Variants in DCC observed in about 807,000 individuals in gnomAD.
DCC encodes the protein DCC netrin 1 receptor, also known as netrin receptor DCC.
In DCC, 58 loss-of-function variants were observed where a neutral mutation model predicts 172.5. The ratio of observed to expected loss-of-function variants is 0.34; its 90% CI spans 0.27 to 0.42. The LOEUF is 0.42. DCC is among the 10% of genes least tolerant of loss of function. The pLI is 1.00. For missense variants in DCC, 1,740 were observed against 1,791.0 expected, an observed-to-expected ratio of 0.97 and a Z score of 0.51; for synonymous variants, 709 against 644.5, an observed-to-expected ratio of 1.10 and a Z score of -1.52.
chr18:53,355,205 G>C (rs2057864024), intron 15 of DCC, among the ~76,000 whole-genome samples: 1 of 152,130 alleles, frequency 6.6e-6, no homozygotes, highest in African/African-American at 2.4e-5. Context: ...AAGTCAGGTA[G>C]CATGATGCTT....
At chr18:53,137,814 A>G (rs1387130220) in intron 7 of DCC, among the ~76,000 whole-genome samples, 1 of 152,076 alleles carries the variant, frequency 6.6e-6, no homozygotes. Context: ...AAGCAAGAAT[A>G]ATATTACTAT....
chr18:53,189,156 T>C (rs944425750), intron 9 of DCC, among the ~76,000 whole-genome samples: 6 of 152,154 alleles, frequency 3.9e-5, no homozygotes, highest in Non-Finnish European at 5.9e-5. Context: ...TATGTTTGTA[T>C]GTATTTATGT....
At chr18:53,490,996 T>C (rs887891160) in intron 26 of DCC, among the ~76,000 whole-genome samples, 1 of 152,218 alleles carries the variant, frequency 6.6e-6, no homozygotes, top group Non-Finnish European at 1.5e-5. Flanking sequence ...TCCTGTCTAG[T>C]ACATTAGGCA....
intron 1 of DCC, among the ~76,000 whole-genome samples, chr18:52,454,420 T>C (rs1988397273): frequency 6.6e-6 from 1 of 152,104 alleles, no homozygotes; most frequent in Non-Finnish European, 1.5e-5. Context: ...GCATCTAAAA[T>C]TAATTTTATA....
intron 28 of DCC, among the ~76,000 whole-genome samples, chr18:53,529,728 G>C (rs1443392792): frequency 6.6e-6 from 1 of 152,096 alleles, no homozygotes; most frequent in Admixed American, 6.6e-5. Flanking sequence ...TTTTAATTAG[G>C]ATGTCTAGGT....
chr18:53,298,429 G>A (rs970153643), intron 12 of DCC, among the ~76,000 whole-genome samples: 1 of 150,092 alleles, frequency 6.7e-6, no homozygotes, highest in African/African-American at 2.5e-5. Flanking sequence ...AGTCCCACAG[G>A]AGGTGGAAGG....
At chr18:52,858,203 G>T (rs964930674) in intron 2 of DCC, among the ~76,000 whole-genome samples, 1 of 152,180 alleles carries the variant, frequency 6.6e-6, no homozygotes, top group African/African-American at 2.4e-5. Flanking sequence ...AGGCTAGCAC[G>T]CCCATTTTAC....
chr18:53,127,591 G>A (rs1051502245), intron 7 of DCC, among the ~76,000 whole-genome samples: 1 of 152,092 alleles, frequency 6.6e-6, no homozygotes, highest in Non-Finnish European at 1.5e-5. Context: ...GCATCATTTG[G>A]ATCTGTTTAT....
At chr18:53,296,058 T>G (rs1199526081) in intron 12 of DCC, among the ~76,000 whole-genome samples, 1 of 152,146 alleles carries the variant, frequency 6.6e-6, no homozygotes, top group South Asian at 2.1e-4. Flanking sequence ...GTTACAAAAG[T>G]GTTGCTAGAC....
chr18:52,577,808 T>C (rs771772357), intron 1 of DCC, among the ~76,000 whole-genome samples: 4 of 152,200 alleles, frequency 2.6e-5, no homozygotes, highest in African/African-American at 2.4e-5. Flanking sequence ...AAACCTCTTC[T>C]GATGCCACCT....
chr18:53,281,495 T>C (rs1220767528), intron 12 of DCC, among the ~76,000 whole-genome samples: 1 of 152,190 alleles, frequency 6.6e-6, no homozygotes, highest in Non-Finnish European at 1.5e-5. Flanking sequence ...ACGTAGGCCT[T>C]GTCCCCAAGG....
At chr18:52,929,194 G>A (rs986326834) in intron 5 of DCC, among the ~76,000 whole-genome samples, 6 of 152,164 alleles carry the variant, frequency 3.9e-5, no homozygotes, top group South Asian at 2.1e-4. Context: ...TTTTAATCCC[G>A]TTTTACAAAC....
At chr18:52,970,351 A>T (rs1254732447) in intron 5 of DCC, among the ~76,000 whole-genome samples, 1 of 152,108 alleles carries the variant, frequency 6.6e-6, no homozygotes, top group Non-Finnish European at 1.5e-5. Context: ...CATTTAATTT[A>T]TCTGTTATAA....
chr18:53,122,621 A>C (rs1351423239), intron 7 of DCC, among the ~76,000 whole-genome samples: 6 of 152,084 alleles, frequency 3.9e-5, no homozygotes, highest in Admixed American at 2.6e-4. Flanking sequence ...GCTTTGCTCC[A>C]CCATTAGGCC....
chr18:53,178,963 G>A lies in DCC; in HGVS notation c.1420G>A (p.Glu474Lys), dbSNP rs181040857. The change falls in exon 9 of 29, where the codon GAA becomes AAA. Residue 474 changes from glutamate to lysine, a missense_variant and splice_region_variant. Physicochemically the swap from Glu to Lys is moderately conservative, Grantham distance 56. Transcript: ENST00000442544. ...TTCTCTGCAACTTTGATTTCTCAGG[G>A]AACGAGCATTGAATACAACACAGCC... ...VFFSREGDNR[E>K]RALNTTQPGS... 6.2e-7 allele frequency: 1 copy of A among 1,613,912 alleles called. No individual in the cohort carries two copies. The highest frequency in any genetic ancestry group is 2.2e-5 in the East Asian group (1 of 44,862).
chr18:53,397,543 C>A, intron 18 of DCC, 97 bp downstream of exon 18: 5 of 1,286,692 alleles, frequency 3.9e-6, no homozygotes, highest in South Asian at 2.4e-5. Flanking sequence ...CTCAATTATA[C>A]CTTATCCTAT....
intron 1 of DCC, among the ~76,000 whole-genome samples, chr18:52,381,950 A>C (rs1282684140): frequency 6.6e-6 from 1 of 152,144 alleles, no homozygotes. Flanking sequence ...TCTTGGAAAA[A>C]AGCTGTCTCC....
intron 1 of DCC, among the ~76,000 whole-genome samples, chr18:52,739,253 C>G (rs924865840): frequency 6.6e-6 from 1 of 152,164 alleles, no homozygotes; most frequent in Non-Finnish European, 1.5e-5. Context: ...TCATTCACCA[C>G]CAACCTAGCA....
chr18:52,544,725 T>C (rs926298998), intron 1 of DCC, among the ~76,000 whole-genome samples: 2 of 151,978 alleles, frequency 1.3e-5, no homozygotes, highest in African/African-American at 4.8e-5. Context: ...TAGATATAGA[T>C]AGATATAGAT....
Sources: allele counts gnomAD v4.1 joint callset (sites outside exome capture counted in the v4.1 genomes callset), GRCh38; gene constraint gnomAD v4.1.1; transcripts MANE v1.5; gene names NCBI Gene and HGNC (gene_info 2026-07-23, HGNC 2026-07-21).